NYAP2: variants seen among roughly 807,000 people sequenced by gnomAD.
NYAP2 encodes neuronal tyrosine-phosphorylated phosphoinositide-3-kinase adaptor 2, also known as neuronal tyrosine-phosphorylated phosphoinositide-3-kinase adapter 2.
In NYAP2, 23 loss-of-function variants were observed where a neutral mutation model predicts 50.4. That is an observed-to-expected ratio of 0.46 (90% CI 0.33 to 0.65). The LOEUF is 0.65. Ranked by LOEUF, NYAP2 falls within the 30% of genes least tolerant of loss-of-function variation. NYAP2 has a pLI of 0.02. For missense variants in NYAP2, 885 were observed against 861.0 expected (o/e 1.03, Z -0.35); for synonymous variants, 394 against 365.2 (o/e 1.08, Z -0.90).
rs564396119 is a variant in NYAP2, at chr2:225,594,636, A to ATGTG, written c.1618+11605_1618+11608dup. ...CATTATGTGACTCGCGGTCTTGAAT[A>ATGTG]TGTGTGTTCCCTGGTGAAAAAATGG... On this transcript the variant is annotated intron_variant, in intron 5 of 6. Coordinates refer to ENST00000636099, the Ensembl canonical transcript of NYAP2. Among the ~76,000 whole-genome samples the ATGTG allele has an allele frequency of 2.5e-3, 386 of 152,358 alleles. 2 individuals carry two copies. Among genetic ancestry groups the ATGTG allele is most frequent in the Non-Finnish European group, 1.5e-3 (101 of 68,036 alleles).
At chr2:225,440,564 T>C (rs892091276) in intron 3 of NYAP2, among the ~76,000 whole-genome samples, 7 of 152,032 alleles carry the variant, frequency 4.6e-5, no homozygotes, top group African/African-American at 9.7e-5. Context: ...ATGTAAAACA[T>C]GGGTTAGAGA....
At chr2:225,493,597 C>T (rs142589380) in intron 3 of NYAP2, among the ~76,000 whole-genome samples, 1 of 152,276 alleles carries the variant, frequency 6.6e-6, no homozygotes, top group African/African-American at 2.4e-5. Context: ...TTTGAGTCAC[C>T]GGTGGCTCTC....
chr2:225,436,739 C>CAAA (rs755609110), intron 3 of NYAP2, among the ~76,000 whole-genome samples: 189 of 109,404 alleles, frequency 1.7e-3, no homozygotes, highest in African/African-American at 5.4e-3. Context: ...TCTGTATAGT[C>CAAA]AAAAAAAAAA....
chr2:225,504,361 C>T (rs1690665805), intron 3 of NYAP2, among the ~76,000 whole-genome samples: 1 of 152,156 alleles, frequency 6.6e-6, no homozygotes, highest in Non-Finnish European at 1.5e-5. Context: ...GACTTAATCA[C>T]TTCCCAAAGT....
At chr2:225,514,515 C>T (rs1460452977) in intron 4 of NYAP2, among the ~76,000 whole-genome samples, 1 of 152,186 alleles carries the variant, frequency 6.6e-6, no homozygotes, top group African/African-American at 2.4e-5. Context: ...TTCCTGGTTG[C>T]AGACTGCCGA....
At chr2:225,411,146 G>A (rs143056718) in intron 3 of NYAP2, among the ~76,000 whole-genome samples, 32 of 152,200 alleles carry the variant, frequency 2.1e-4, no homozygotes, top group African/African-American at 7.7e-4. Context: ...CTTTTGTTGT[G>A]TCCTAACTGT....
At chr2:225,614,736 G>T (rs1294024823) in intron 5 of NYAP2, among the ~76,000 whole-genome samples, 1 of 152,198 alleles carries the variant, frequency 6.6e-6, no homozygotes, top group Non-Finnish European at 1.5e-5. Flanking sequence ...AATAATTTCT[G>T]TTAAAATCTG....
At chr2:225,415,223 A>G (rs1332402425) in intron 3 of NYAP2, among the ~76,000 whole-genome samples, 3 of 152,212 alleles carry the variant, frequency 2.0e-5, no homozygotes, top group Non-Finnish European at 4.4e-5. Context: ...ATTGCATATT[A>G]CTATATATAC....
At chr2:225,636,478 GCTTT>G (rs1454916623) in intron 6 of NYAP2, among the ~76,000 whole-genome samples, 1 of 96,320 alleles carries the variant, frequency 1.0e-5, no homozygotes, top group East Asian at 2.2e-4. Context: ...TTGGTAATGT[GCTTT>G]CTTTTTTTTT....
chr2:225,600,318 A>C (rs1692672297), intron 5 of NYAP2, among the ~76,000 whole-genome samples: 1 of 152,196 alleles, frequency 6.6e-6, no homozygotes, highest in Non-Finnish European at 1.5e-5. Context: ...AAAATATCTC[A>C]AGAAATGATC....
At chr2:225,559,242 C>T (rs1691828008) in intron 4 of NYAP2, among the ~76,000 whole-genome samples, 2 of 151,750 alleles carry the variant, frequency 1.3e-5, no homozygotes, top group Admixed American at 6.6e-5. Context: ...TCCTGACTTT[C>T]TGAAATATGA....
chr2:225,695,992 C>T, the NYAP2 span, among the ~76,000 whole-genome samples: 4 of 151,908 alleles, frequency 2.6e-5, no homozygotes, highest in African/African-American at 9.6e-5. Flanking sequence ...AAGCTAGTAA[C>T]TTTGATTTAA....
intron 3 of NYAP2, among the ~76,000 whole-genome samples, chr2:225,491,099 C>T (rs901275323): frequency 9.9e-5 from 15 of 152,078 alleles, no homozygotes; most frequent in African/African-American, 3.6e-4. Flanking sequence ...CCCAATGATG[C>T]CTGAAGAGTT....
At chr2:225,569,756 G>A (rs965850421) in intron 4 of NYAP2, among the ~76,000 whole-genome samples, 3 of 152,228 alleles carry the variant, frequency 2.0e-5, no homozygotes, top group Admixed American at 2.0e-4. Flanking sequence ...GATAGGATTG[G>A]AACTGAGATC....
intron 3 of NYAP2, among the ~76,000 whole-genome samples, chr2:225,436,824 C>T: frequency 6.6e-6 from 1 of 151,488 alleles, no homozygotes; most frequent in African/African-American, 2.4e-5. Context: ...TTTCTTTGTC[C>T]CCATCTTCAC....
intron 3 of NYAP2, among the ~76,000 whole-genome samples, chr2:225,453,521 C>T (rs1689686208): frequency 6.6e-6 from 1 of 152,078 alleles, no homozygotes; most frequent in Admixed American, 6.5e-5. Flanking sequence ...TATTGTAGTT[C>T]TAAGCTTTAG....
exon 3 of NYAP2, chr2:225,408,955 T>C (rs755455677): frequency 6.2e-7 from 1 of 1,611,912 alleles, no homozygotes; most frequent in Non-Finnish European, 8.5e-7. Flanking sequence ...ACATTGAGGA[T>C]ATGGGGATGA....
the NYAP2 span, among the ~76,000 whole-genome samples, chr2:225,687,385 A>G: frequency 6.6e-6 from 1 of 152,116 alleles, no homozygotes; most frequent in Non-Finnish European, 1.5e-5. Context: ...CTCCAAAGTC[A>G]CAAGATAGAA....
chr2:225,640,675 G>A (rs1160926721), intron 6 of NYAP2, among the ~76,000 whole-genome samples: 1 of 152,102 alleles, frequency 6.6e-6, no homozygotes, highest in Non-Finnish European at 1.5e-5. Context: ...ATTAACTGAT[G>A]TGTGTGTACA....
Sources: gnomAD v4.1 joint callset for allele counts (sites outside exome capture counted in the v4.1 genomes callset) on GRCh38, gnomAD v4.1.1 for gene constraint, MANE v1.5 for transcripts, NCBI Gene and HGNC (gene_info 2026-07-23, HGNC 2026-07-21) for gene names.